IGSF21: variants seen among roughly 807,000 people sequenced by gnomAD.
The protein encoded by IGSF21 is immunoglobulin superfamily member 21.
A neutral mutation model predicts 46.8 loss-of-function variants in IGSF21; 28 were observed. The ratio of observed to expected loss-of-function variants is 0.60; its 90% confidence interval spans 0.44 to 0.82. The LOEUF is 0.82. Ranked by LOEUF, IGSF21 falls within the 40% of genes least tolerant of loss-of-function variation. The pLI is 0.00. For synonymous variants in IGSF21, 284 were observed against 273.6 expected (o/e 1.04, Z -0.38); for missense variants, 624 against 665.5 (o/e 0.94, Z 0.69).
At chr1:18,242,736 G>T (rs1020168738) in intron 2 of IGSF21, among the ~76,000 whole-genome samples, 3 of 152,210 alleles carry the variant, frequency 2.0e-5, no homozygotes, top group African/African-American at 7.2e-5. Flanking sequence ...AGTGAAGCCT[G>T]TCTGAAATCG....
At chr1:18,324,178 A>G (rs1397646915) in intron 3 of IGSF21, among the ~76,000 whole-genome samples, 1 of 152,224 alleles carries the variant, frequency 6.6e-6, no homozygotes, top group Non-Finnish European at 1.5e-5. Flanking sequence ...AGGAGACCCC[A>G]GGCAGTGGGC....
In IGSF21 at chr1:18,334,972, T is replaced by C; in HGVS notation, c.386T>C (p.Val129Ala). ...GIYDRATREK[V>A]VLASGNIFLN... is the part of the protein sequence containing the mutation. ...TACGACCGCGCCACCAGGGAGAAGG[T>C]GGTCCTGGCATCAGGCAACATCTTC... Residue 129 changes from valine to alanine, a missense_variant, in exon 4 of 10, where the codon GTG becomes GCG. Physicochemically the swap from Val to Ala is moderately conservative, Grantham distance 64 (BLOSUM62 0). Transcript: ENST00000251296. This position sits in a 1 kb window ranked among gnomAD's most constrained non-coding sequence, Gnocchi z 4.3. 6.2e-7 allele frequency: 1 copy of C among 1,614,052 alleles called. No individual in the cohort carries two copies. Among genetic ancestry groups the C allele is most frequent in the Non-Finnish European group, 8.5e-7 (1 of 1,179,966 alleles).
intron 9 of IGSF21, among the ~76,000 whole-genome samples, chr1:18,377,908 A>G (rs1415572511): frequency 6.6e-6 from 1 of 152,116 alleles, no homozygotes; most frequent in African/African-American, 2.4e-5. Flanking sequence ...GCATCCCCCA[A>G]CCTGCTCTAG....
Position 18,126,077 on chromosome 1 carries a change from C to T in IGSF21, c.70+17879C>T, listed in dbSNP as rs531248335. ...GAGGCCATAGGCAGGACTTAGCAGC[C>T]GGCCTTTGGTTTTCAAACTGTGCTC... is the stretch of plus-strand genomic sequence containing the variant. On this transcript the variant is annotated intron_variant, in intron 1 of 9. Transcript: ENST00000251296. 1.2e-4 allele frequency among the ~76,000 whole-genome samples: 19 copies of T among 152,188 alleles called. 1 individual carries two copies. Among genetic ancestry groups the T allele is most frequent in the South Asian group, 1.2e-3 (6 of 4,814 alleles).
rs528768441 is a variant in IGSF21, at chr1:18,131,812, A to C, written c.70+23614A>C. 9.2e-5 allele frequency among the ~76,000 whole-genome samples: 14 copies of C among 152,252 alleles called. No homozygotes were observed. In the South Asian group the frequency reaches 2.9e-3, roughly 32 times the overall value. On this transcript the variant is annotated intron_variant, in intron 1 of 9. Transcript: ENST00000251296. ...AGAGGACTGTCTTCTACTTCTTATA[A>C]GCCTGGAAGTGGCACATGCCTTCTC...
chr1:18,177,678 C>T (rs1306803191), intron 1 of IGSF21, among the ~76,000 whole-genome samples: 2 of 152,066 alleles, frequency 1.3e-5, no homozygotes, highest in Non-Finnish European at 2.9e-5. Flanking sequence ...ATGTCTCATC[C>T]CCTCTCTCCA....
At chr1:18,267,012 A>G (rs1206635179) in intron 2 of IGSF21, among the ~76,000 whole-genome samples, 2 of 152,128 alleles carry the variant, frequency 1.3e-5, no homozygotes, top group East Asian at 3.9e-4. Flanking sequence ...CCTCCAGGAG[A>G]GGCCAGCATG....
chr1:18,120,590 G>T (rs1207720922), intron 1 of IGSF21, among the ~76,000 whole-genome samples: 1 of 152,198 alleles, frequency 6.6e-6, no homozygotes. Flanking sequence ...TGGCGATGGT[G>T]CAATGAGACA....
At chr1:18,305,809 A>C (rs952483599) in intron 3 of IGSF21, among the ~76,000 whole-genome samples, 5 of 152,266 alleles carry the variant, frequency 3.3e-5, no homozygotes, top group South Asian at 2.1e-4. Flanking sequence ...ATAATGAAGC[A>C]ACACTGCACA....
chr1:18,270,301 C>T (rs1184472372), intron 2 of IGSF21, among the ~76,000 whole-genome samples: 1 of 152,214 alleles, frequency 6.6e-6, no homozygotes, highest in African/African-American at 2.4e-5. Flanking sequence ...ATTTTCTTCC[C>T]ACTCTCTTGG....
intron 3 of IGSF21, among the ~76,000 whole-genome samples, chr1:18,321,543 G>A (rs373356989): frequency 6.6e-6 from 1 of 152,134 alleles, no homozygotes; most frequent in East Asian, 1.9e-4. Flanking sequence ...TCTGGAGACC[G>A]GGAAGCCCAA....
chr1:18,273,449 T>TC (rs1569691493), intron 2 of IGSF21, among the ~76,000 whole-genome samples: 4 of 93,634 alleles, frequency 4.3e-5, no homozygotes, highest in African/African-American at 4.6e-5. Context: ...TTTCTCACTT[T>TC]CTTTCTTTCT....
chr1:18,199,174 C>T (rs927190819), intron 1 of IGSF21, among the ~76,000 whole-genome samples: 2 of 152,096 alleles, frequency 1.3e-5, no homozygotes, highest in Non-Finnish European at 2.9e-5. Flanking sequence ...GGGAGGGTGG[C>T]TCTGGTGAAT....
chr1:18,276,083 C>T (rs556632533), intron 2 of IGSF21, among the ~76,000 whole-genome samples: 80 of 152,334 alleles, frequency 5.3e-4, no homozygotes, highest in African/African-American at 1.9e-3. Context: ...GCACAACCAT[C>T]TTCCCCCAAC....
chr1:18,111,978 C>A (rs2086149150), intron 1 of IGSF21: 1 of 152,236 alleles, frequency 6.6e-6, no homozygotes, highest in South Asian at 2.1e-4. Context: ...CAGTCACAGA[C>A]ACACTTGAAC....
At chr1:18,361,992 G>A (rs963851065) in intron 4 of IGSF21, 123 bp from the exon 5 acceptor site, 47 of 649,018 alleles carry the variant, frequency 7.2e-5, no homozygotes, top group African/African-American at 6.7e-4. Context: ...CTGGAGTTTG[G>A]CAACACCTGC....
intron 1 of IGSF21, among the ~76,000 whole-genome samples, chr1:18,163,776 C>G (rs1270234937): frequency 6.6e-6 from 1 of 152,216 alleles, no homozygotes; most frequent in Admixed American, 6.5e-5. Context: ...GAAGTGCCCA[C>G]CAATGTCTTC....
At chr1:18,168,549 AC>A (rs1294337931) in intron 1 of IGSF21, among the ~76,000 whole-genome samples, 1 of 152,126 alleles carries the variant, frequency 6.6e-6, no homozygotes, top group African/African-American at 2.4e-5. Flanking sequence ...TGATGTTACC[AC>A]TGCTAGATGC....
At chr1:18,128,526 G>A (rs185319181) in intron 1 of IGSF21, among the ~76,000 whole-genome samples, 54 of 152,314 alleles carry the variant, frequency 3.5e-4, no homozygotes, top group African/African-American at 1.2e-3. Context: ...TCCCACCAGT[G>A]ATGCAAGCTC....
Sources: allele counts gnomAD v4.1 joint callset (sites outside exome capture counted in the v4.1 genomes callset), GRCh38; gene constraint gnomAD v4.1.1; non-coding constraint Gnocchi (gnomAD v3.1); transcripts MANE v1.5; gene names NCBI Gene and HGNC (gene_info 2026-07-23, HGNC 2026-07-21).